ARMH4: variants seen among roughly 807,000 people sequenced by gnomAD.
ARMH4 encodes the protein armadillo-like helical domain-containing protein 4.
A neutral mutation model predicts 61.9 loss-of-function variants in ARMH4; 49 were observed. That is an observed-to-expected ratio of 0.79 (90% confidence interval 0.63 to 1.00). The LOEUF is 1.00. ARMH4 is among the 50% of genes least tolerant of loss of function. ARMH4 has a pLI of 0.00. For synonymous variants in ARMH4, 368 were observed against 341.5 expected, an observed-to-expected ratio of 1.08 and a Z score of -0.85; for missense variants, 934 against 930.0, an observed-to-expected ratio of 1.00 and a Z score of -0.06.
Position 58,005,167 on chromosome 14 carries a change from C to T in ARMH4, c.2137G>A (p.Gly713Arg). The T allele has an allele frequency of 6.8e-6, 11 of 1,613,906 alleles. No homozygotes were observed. Among genetic ancestry groups the T allele is most frequent in the Non-Finnish European group, 9.3e-6 (11 of 1,179,890 alleles). ...KLKDKAGYMSGMLVPVGVGIA... is the reference protein window; with the variant it reads ...KLKDKAGYMSRMLVPVGVGIA... ...CCAACCCCTACAGGCACCAGCATCC[C>T]AGACATGTAACCAGCCTGCATAGAA... Residue 713 changes from glycine to arginine, a missense_variant, in exon 7 of 8, where the codon GGG becomes AGG. Coordinates refer to ENST00000267485, the MANE Select transcript of ARMH4 (RefSeq NM_001001872.4).
chr14:58,038,562 T>A (rs200252396), intron 5 of ARMH4, among the ~76,000 whole-genome samples: 8 of 91,048 alleles, frequency 8.8e-5, no homozygotes, highest in Admixed American at 1.3e-4. Flanking sequence ...TAAAAAAAAA[T>A]TAAAAAAAAA....
At chr14:58,128,561 C>G (rs929044123) in intron 4 of ARMH4, among the ~76,000 whole-genome samples, 1 of 152,086 alleles carries the variant, frequency 6.6e-6, no homozygotes, top group Non-Finnish European at 1.5e-5. Context: ...AAAAATAAAC[C>G]ATTATCCCTT....
chr14:58,021,753 G>T (rs1882839535), intron 5 of ARMH4, among the ~76,000 whole-genome samples: 1 of 152,126 alleles, frequency 6.6e-6, no homozygotes, highest in African/African-American at 2.4e-5. Flanking sequence ...GGTCAGAGAG[G>T]CTCAGAAACC....
chr14:58,046,202 G>C (rs1883936082), intron 5 of ARMH4, among the ~76,000 whole-genome samples: 2 of 152,078 alleles, frequency 1.3e-5, no homozygotes, highest in Admixed American at 6.6e-5. Flanking sequence ...CACGGTAATG[G>C]ACCAGGTTTC....
chr14:58,119,810 C>T (rs1232660772), intron 4 of ARMH4, among the ~76,000 whole-genome samples: 1 of 152,158 alleles, frequency 6.6e-6, no homozygotes, highest in African/African-American at 2.4e-5. Context: ...AGAAATAATT[C>T]ATCTAACCAG....
chr14:58,145,531 A>ATAATAAAG (rs1401267076), intron 1 of ARMH4, among the ~76,000 whole-genome samples: 1 of 152,234 alleles, frequency 6.6e-6, no homozygotes, highest in Non-Finnish European at 1.5e-5. Flanking sequence ...GAAGGGATAA[A>ATAATAAAG]TAATAAAGAC....
At chr14:58,076,384 C>A (rs1186190707) in intron 5 of ARMH4, among the ~76,000 whole-genome samples, 15 of 152,204 alleles carry the variant, frequency 9.9e-5, no homozygotes, top group Non-Finnish European at 1.5e-5. Flanking sequence ...TCCAACCAAT[C>A]TTTTCTTCCC....
At chr14:58,084,492 A>G (rs1043554935) in intron 5 of ARMH4, among the ~76,000 whole-genome samples, 2 of 152,186 alleles carry the variant, frequency 1.3e-5, no homozygotes, top group Admixed American at 1.3e-4. Flanking sequence ...TAGTTCACCC[A>G]ATGCCTATGG....
intron 5 of ARMH4, among the ~76,000 whole-genome samples, chr14:58,025,787 C>T (rs879419684): frequency 6.6e-6 from 1 of 152,138 alleles, no homozygotes; most frequent in Non-Finnish European, 1.5e-5. Context: ...CACACAGAAA[C>T]TCTGTCTATA....
chr14:58,022,517 AG>A (rs1433239429), intron 5 of ARMH4, among the ~76,000 whole-genome samples: 1 of 152,196 alleles, frequency 6.6e-6, no homozygotes, highest in African/African-American at 2.4e-5. Flanking sequence ...TGTTCTACAC[AG>A]CTTCCCAGAG....
chr14:58,071,770 T>C (rs973624855), intron 5 of ARMH4, among the ~76,000 whole-genome samples: 26 of 152,210 alleles, frequency 1.7e-4, no homozygotes, highest in African/African-American at 5.8e-4. Context: ...GCAATATAAA[T>C]CATGATTAAC....
chr14:58,058,000 G>T (rs1399263093), intron 5 of ARMH4, among the ~76,000 whole-genome samples: 1 of 152,148 alleles, frequency 6.6e-6, no homozygotes, highest in African/African-American at 2.4e-5. Context: ...CAAATGCATG[G>T]AGCTTCAGCA....
chr14:58,119,578 G>A (rs1343659707), intron 4 of ARMH4, among the ~76,000 whole-genome samples: 1 of 152,200 alleles, frequency 6.6e-6, no homozygotes, highest in East Asian at 1.9e-4. Flanking sequence ...TTGGACCACT[G>A]CCCACAGGGA....
chr14:58,080,872 C>T lies in ARMH4; in HGVS notation c.2089+15852G>A, dbSNP rs1007748467. 9.2e-5 allele frequency among the ~76,000 whole-genome samples: 14 copies of T among 152,118 alleles called. No homozygotes were observed. In the South Asian group the frequency reaches 1.5e-3, roughly 16 times the overall value. ...ATCCTAGCACTTTGGGAGGCCGAGGCGGGCAGATCACTTGAGGCCAGGAGT... is the reference window on the plus strand; with the variant it reads ...ATCCTAGCACTTTGGGAGGCCGAGGTGGGCAGATCACTTGAGGCCAGGAGT... On this transcript the variant is annotated intron_variant, in intron 5 of 7. Coordinates refer to ENST00000267485, the MANE Select transcript of ARMH4 (RefSeq NM_001001872.4).
At chr14:58,072,441 G>A (rs1332997314) in intron 5 of ARMH4, among the ~76,000 whole-genome samples, 3 of 152,198 alleles carry the variant, frequency 2.0e-5, no homozygotes, top group Admixed American at 6.5e-5. Context: ...CTTTTGGGCC[G>A]GGCACGGTGG....
In ARMH4 at chr14:58,148,565, A is replaced by G. The variant is rs552858994; in HGVS notation, c.-57+3510T>C. ...TCTTTACCATTCCTTTGTTTGCCAC[A>G]TAATTAGTAATAAGGGTAGGCACAA... is the stretch of plus-strand genomic sequence containing the variant. On this transcript the variant is annotated intron_variant, in intron 1 of 7. Coordinates refer to ENST00000267485, the MANE Select transcript of ARMH4 (RefSeq NM_001001872.4). Among the ~76,000 whole-genome samples, 71 of 152,334 alleles carry G rather than the reference A, an allele frequency of 4.7e-4. 1 individual carries two copies. In the South Asian group the frequency reaches 6.0e-3, roughly 13 times the overall value.
intron 1 of ARMH4, among the ~76,000 whole-genome samples, chr14:58,146,659 G>A (rs1363240895): frequency 6.6e-6 from 1 of 152,172 alleles, no homozygotes; most frequent in Non-Finnish European, 1.5e-5. Flanking sequence ...GTCAAGTCTA[G>A]GCATATTCAA....
chr14:58,051,407 C>A (rs1224108191), intron 5 of ARMH4, among the ~76,000 whole-genome samples: 2 of 152,154 alleles, frequency 1.3e-5, no homozygotes, highest in Non-Finnish European at 2.9e-5. Flanking sequence ...GTAAGACCCA[C>A]ACTCACTCAT....
intron 5 of ARMH4, among the ~76,000 whole-genome samples, chr14:58,031,814 T>C (rs1049525620): frequency 6.6e-6 from 1 of 152,202 alleles, no homozygotes; most frequent in African/African-American, 2.4e-5. Flanking sequence ...TTTCCTATCA[T>C]ATACTTCCAA....
Sources: gnomAD v4.1 joint callset for allele counts (sites outside exome capture counted in the v4.1 genomes callset) on GRCh38, gnomAD v4.1.1 for gene constraint, MANE v1.5 for transcripts, NCBI Gene and HGNC (gene_info 2026-07-23, HGNC 2026-07-21) for gene names.